HELZ: variants seen among roughly 807,000 people sequenced by gnomAD.
HELZ encodes ATP-dependent RNA helicase with zinc finger domain.
In HELZ, 23 loss-of-function variants were observed where a neutral mutation model predicts 218.2. The ratio of observed to expected loss-of-function variants is 0.11; its 90% CI spans 0.08 to 0.15. The LOEUF (loss-of-function observed/expected upper bound fraction) is 0.15, where lower values mean the gene tolerates loss of function less well. Ranked by LOEUF, HELZ falls within the 10% of genes least tolerant of loss-of-function variation. HELZ has a pLI of 1.00. For missense variants in HELZ, 1,813 were observed against 2,353.7 expected (o/e 0.77, Z 4.75); for synonymous variants, 814 against 829.4 (o/e 0.98, Z 0.32).
intron 20 of HELZ, among the ~76,000 whole-genome samples, chr17:67,146,617 G>A (rs2038505609): frequency 2.0e-5 from 3 of 152,286 alleles, no homozygotes; most frequent in Admixed American, 2.0e-4. Flanking sequence ...CTGAAAGACA[G>A]TCAAGCCGTC....
At chr17:67,089,668 T>TATATATAGAGAGAGAGAGAGAG (rs71293575) in intron 31 of HELZ, among the ~76,000 whole-genome samples, 38 of 70,612 alleles carry the variant, frequency 5.4e-4, no homozygotes, top group Non-Finnish European at 7.8e-4. Flanking sequence ...TATATATATA[T>TATATATAGAGAGAGAGAGAGAG]AGAGAGAGAG....
intron 31 of HELZ, among the ~76,000 whole-genome samples, chr17:67,096,439 A>G (rs569340754): frequency 1.4e-4 from 22 of 152,356 alleles, no homozygotes; most frequent in African/African-American, 4.6e-4. Flanking sequence ...AGTCCTAGAC[A>G]GCATCTTCTT....
chr17:67,078,526 GAC>G lies in HELZ; in HGVS notation c.5553_5554del (p.Ser1852GlnfsTer20). The G allele has an allele frequency of 6.6e-7, 1 of 1,514,870 alleles. No homozygotes were observed. The highest frequency in any genetic ancestry group is 1.3e-5 in the South Asian group (1 of 74,988). The allele number at this position is 1,514,870 out of a possible 1,614,324, so 93.8% of individuals were successfully genotyped here. On this transcript the variant is annotated frameshift_variant, in exon 33 of 33. Coordinates refer to ENST00000358691, the MANE Select transcript of HELZ (RefSeq NM_014877.4). LOFTEE classifies it high-confidence loss of function. ...CAGCACACTGTAGTTGAAGGAACTG[GAC>G]ACCTCGAGGTTCTCCGACTTCAGTT...
intron 3 of HELZ, among the ~76,000 whole-genome samples, chr17:67,232,112 A>T (rs2041054580): frequency 6.7e-6 from 1 of 149,600 alleles, no homozygotes; most frequent in African/African-American, 2.4e-5. Flanking sequence ...TCTCCAGGTG[A>T]TGCTATTACA....
At position 67,202,942 on chromosome 17, in the gene HELZ, A is replaced by G. The variant is rs563456531; in HGVS notation, c.372+377T>C. On this transcript the variant is annotated intron_variant, in intron 6 of 32. Transcript: ENST00000358691. ...AGTTCAAGACCAGCCTGGGCAACATAATGAGACCTCGTCTCTACAAAAAGT... is the reference window on the plus strand; with the variant it reads ...AGTTCAAGACCAGCCTGGGCAACATGATGAGACCTCGTCTCTACAAAAAGT... Among the ~76,000 whole-genome samples, 8 of 152,062 alleles carry G rather than the reference A, an allele frequency of 5.3e-5. No individual in the cohort carries two copies. In the South Asian group the frequency reaches 8.3e-4, roughly 16 times the overall value.
At chr17:67,084,489 C>T (rs143812820) in intron 32 of HELZ, among the ~76,000 whole-genome samples, 7,808 of 151,638 alleles carry the variant, frequency 0.051, 698 homozygotes, top group African/African-American at 0.18. Context: ...AGTGAAACCC[C>T]GTCTCTACTA....
chr17:67,201,013 C>A, intron 7 of HELZ, 116 bp downstream of exon 7: 1 of 816,902 alleles, frequency 1.2e-6, no homozygotes, highest in East Asian at 2.4e-5. Context: ...ACTGCCCCAC[C>A]TTCACAGCCT....
chr17:67,195,390 C>T (rs757623683), intron 8 of HELZ, 29 bp downstream of exon 8: 1 of 1,443,300 alleles, frequency 6.9e-7, no homozygotes, highest in Non-Finnish European at 9.7e-7. Flanking sequence ...TTCACAGCTA[C>T]CAGAAGTTAC....
intron 21 of HELZ, among the ~76,000 whole-genome samples, chr17:67,139,215 G>T (rs937723877): frequency 6.6e-6 from 1 of 152,008 alleles, no homozygotes; most frequent in Non-Finnish European, 1.5e-5. Flanking sequence ...AACTACAGAG[G>T]TAAGGACTAC....
At chr17:67,124,149 T>C in intron 24 of HELZ, 135 bp from the exon 25 acceptor site, 2 of 610,812 alleles carry the variant, frequency 3.3e-6, no homozygotes, top group East Asian at 3.0e-5. Context: ...CTATAATTAA[T>C]AACCATTAGA....
Position 67,114,198 on chromosome 17 carries a change from C to T in HELZ, c.3918+126G>A, listed in dbSNP as rs1598252627. The T allele has an allele frequency of 4.5e-6, 3 of 669,568 alleles. No individual in the cohort carries two copies. In the East Asian group the frequency reaches 7.8e-5, roughly 17 times the overall value. 41.5% of individuals were successfully genotyped at this position (669,568 alleles called of 1,614,324 possible). A position where few individuals can be genotyped will look rare whatever the true frequency, so the allele number is the denominator to read the frequency against. On this transcript the variant is annotated intron_variant, in intron 28 of 32. Transcript: ENST00000358691. The stretch of plus-strand genomic sequence containing the variant: ...GAGAAGGCAATATGGCTCACTATAT[C>T]CCTGTGAAAAAATAAACATAAAGGA...
chr17:67,145,822 A>G lies in HELZ; in HGVS notation c.2690T>C (p.Phe897Ser). The change falls in exon 21 of 33, where the codon TTC (phenylalanine) becomes TCC (serine). Residue 897 changes from phenylalanine (F) to serine (S), a missense_variant. By Grantham distance (155) the Phe-to-Ser change is radical. This residue lies in a region of HELZ where 156 missense variants were observed against 274.4 expected (regional missense o/e 0.57). Transcript: ENST00000358691. ...TGCTGTAAAGAAAGTTAGTGGGTAG[A>G]AATCTTTGTGTGCTGGCTGCTTCCC... ...ASGKQPAHKD[F>S]YPLTFFTARG... The G allele has an allele frequency of 6.2e-7, 1 of 1,613,800 alleles. No homozygotes were observed. The highest frequency in any genetic ancestry group is 8.5e-7 in the Non-Finnish European group (1 of 1,179,752).
chr17:67,202,138 A>G (rs1404690056), intron 6 of HELZ, among the ~76,000 whole-genome samples: 1 of 152,174 alleles, frequency 6.6e-6, no homozygotes, highest in Non-Finnish European at 1.5e-5. Flanking sequence ...TTCACACAGC[A>G]GAGCAAAGTA....
At chr17:67,179,076 A>ATT (rs1489042400) in intron 12 of HELZ, 150 bp from the exon 13 acceptor site, 10 of 556,460 alleles carry the variant, frequency 1.8e-5, no homozygotes. Context: ...GCAAATACCC[A>ATT]TTGACTATTT....
intron 23 of HELZ, among the ~76,000 whole-genome samples, chr17:67,131,697 C>T (rs1212748742): frequency 6.6e-6 from 1 of 152,100 alleles, no homozygotes; most frequent in Non-Finnish European, 1.5e-5. Context: ...TCAGTTTCCT[C>T]ATGTGCAAAG....
Position 67,072,288 on chromosome 17 carries a change from A to G in HELZ, c.*5964T>C. 1 of 152,774 alleles carries G rather than the reference A, an allele frequency of 6.5e-6. No individual in the cohort carries two copies. Among genetic ancestry groups the G allele is most frequent in the Non-Finnish European group, 1.5e-5 (1 of 68,220 alleles). The allele number at this position is 152,774 out of a possible 1,614,324, so 9.5% of individuals were successfully genotyped here. A position where few individuals can be genotyped will look rare whatever the true frequency, so the allele number is the denominator to read the frequency against. On this transcript the variant is annotated 3_prime_UTR_variant, in exon 33 of 33. Transcript: ENST00000358691. Reference sequence around the variant, plus strand: ...GAGGCGGAGGTTGCAGTGAGCCGAGATCATGCCACTGTACTCCAGCCAGGG... The same window carrying G: ...GAGGCGGAGGTTGCAGTGAGCCGAGGTCATGCCACTGTACTCCAGCCAGGG...
Position 67,078,321 on chromosome 17 carries a change from C to T in HELZ, c.5760G>A (p.Leu1920=). 1 of 1,614,050 alleles carries T rather than the reference C, an allele frequency of 6.2e-7. No homozygotes were observed. Among genetic ancestry groups the T allele is most frequent in the Non-Finnish European group, 8.5e-7 (1 of 1,179,990 alleles). Residue 1920 remains leucine (L), a synonymous_variant, in exon 33 of 33, where the codon CTG becomes CTA. Coordinates refer to ENST00000358691, the MANE Select transcript of HELZ (RefSeq NM_014877.4). ...CTAGGCTCAGTTCCTGGAAGAGAGA[C>T]AGAGGGTCGCTACTCTTCTTGGCCT... is the stretch of plus-strand genomic sequence containing the variant. ...PEQAKKSSDP[L]SLFQELSLGS... is the part of the protein sequence containing the mutation.
chr17:67,085,235 A>G (rs768736032), intron 32 of HELZ, among the ~76,000 whole-genome samples: 14 of 152,144 alleles, frequency 9.2e-5, no homozygotes, highest in Non-Finnish European at 1.0e-4. Flanking sequence ...CCTGGGAAAC[A>G]TGGCGAAACC....
At chr17:67,104,582 G>A (rs1331686720) in intron 31 of HELZ, among the ~76,000 whole-genome samples, 2 of 151,880 alleles carry the variant, frequency 1.3e-5, no homozygotes, top group Non-Finnish European at 2.9e-5. Context: ...AGCATCAAAG[G>A]ACACTATCAA....
Sources: gnomAD v4.1 joint callset for allele counts (sites outside exome capture counted in the v4.1 genomes callset) on GRCh38, gnomAD v4.1.1 for gene constraint, gnomAD v4.1.1 regional missense constraint, MANE v1.5 for transcripts, NCBI Gene and HGNC (gene_info 2026-07-23, HGNC 2026-07-21) for gene names.